The following POU3F3 variants were observed in gnomAD, a reference collection of about 807,000 sequenced individuals.
The protein encoded by POU3F3 is POU class 3 homeobox 3, also known as POU domain, class 3, transcription factor 3.
Under a neutral mutation model 8.6 loss-of-function variants are expected in POU3F3, and 1 was observed. The ratio of observed to expected loss-of-function variants is 0.12; its 90% CI spans 0.04 to 0.55. The LOEUF (loss-of-function observed/expected upper bound fraction) is 0.55, where lower values mean the gene tolerates loss of function less well. Among genes scored for constraint, POU3F3 ranks in the 20% least tolerant of loss-of-function variants. The pLI is 0.91. For synonymous variants in POU3F3, 418 were observed against 327.4 expected (o/e 1.28, Z -2.99); for missense variants, 577 against 690.7 (o/e 0.84, Z 1.84).
chr2:104,886,830 C>T, the POU3F3 span, among the ~76,000 whole-genome samples: 1 of 152,110 alleles, frequency 6.6e-6, no homozygotes, highest in Non-Finnish European at 1.5e-5. Flanking sequence ...ATCACTTGAA[C>T]CTGGAAGGCA....
chr2:104,900,889 C>A, the POU3F3 span, among the ~76,000 whole-genome samples: 2 of 152,178 alleles, frequency 1.3e-5, no homozygotes, highest in African/African-American at 2.4e-5. Flanking sequence ...CGGATGTTGG[C>A]CCTAATAAAT....
the POU3F3 span, among the ~76,000 whole-genome samples, chr2:104,920,840 G>A: frequency 6.6e-6 from 1 of 152,266 alleles, no homozygotes; most frequent in East Asian, 1.9e-4. Flanking sequence ...GAGCTGCTAT[G>A]TAGCTCTGCG....
At chr2:104,876,449 A>T in the POU3F3 span, among the ~76,000 whole-genome samples, 1 of 152,180 alleles carries the variant, frequency 6.6e-6, no homozygotes, top group African/African-American at 2.4e-5. Context: ...TCTCTCAGGG[A>T]CAAAGTGCCC....
the POU3F3 span, among the ~76,000 whole-genome samples, chr2:104,882,955 A>T: frequency 6.6e-6 from 1 of 152,234 alleles, no homozygotes; most frequent in Non-Finnish European, 1.5e-5. Context: ...GACAGGTGGT[A>T]GTAAGAGGAA....
the POU3F3 span, among the ~76,000 whole-genome samples, chr2:104,880,359 G>T: frequency 1.3e-5 from 2 of 152,288 alleles, no homozygotes; most frequent in South Asian, 4.1e-4. Flanking sequence ...CAAGTTCTGT[G>T]CTTGGACAGA....
chr2:104,917,246 A>G, the POU3F3 span, among the ~76,000 whole-genome samples: 4 of 152,150 alleles, frequency 2.6e-5, no homozygotes, highest in Non-Finnish European at 2.9e-5. Flanking sequence ...AATCTCCTCT[A>G]TAATCTATGC....
chr2:104,853,978 G>C (rs1291138207), upstream of POU3F3: 2 of 152,208 alleles, frequency 1.3e-5, no homozygotes, highest in East Asian at 3.9e-4. Flanking sequence ...CCGGAAGGGG[G>C]GCCTCGCGTC....
In POU3F3 at chr2:104,855,552, C is replaced by G; in HGVS notation, c.42C>G (p.Ser14Arg). 10 of 1,043,324 alleles carry G rather than the reference C, an allele frequency of 9.6e-6. No homozygotes were observed. The highest frequency in any genetic ancestry group is 1.2e-5 in the Non-Finnish European group (10 of 864,380). The allele number at this position is 1,043,324 out of a possible 1,614,324, so 64.6% of individuals were successfully genotyped here. Residue 14 changes from serine (S) to arginine (R), a missense_variant, in exon 1 of 1, where the codon AGC becomes AGG. Around this residue, in one of 7 missense-constraint regions of POU3F3, gnomAD observed 484 missense variants for 422.6 expected, o/e 1.15. Transcript: ENST00000361360. Reference sequence around the variant, plus strand: ...CTAACCCCTACCTGCCGGGGAACAGCCTGCTCGCGGCCGGCTCTATTGTGC... The same window carrying G: ...CTAACCCCTACCTGCCGGGGAACAGGCTGCTCGCGGCCGGCTCTATTGTGC... ...AASNPYLPGN[S>R]LLAAGSIVHS... is the part of the protein sequence containing the mutation.
At chr2:104,908,454 A>T in the POU3F3 span, among the ~76,000 whole-genome samples, 1 of 152,242 alleles carries the variant, frequency 6.6e-6, no homozygotes, top group East Asian at 1.9e-4. Flanking sequence ...TTTAAGAGTA[A>T]GAAGTAAAGA....
the POU3F3 span, among the ~76,000 whole-genome samples, chr2:104,900,731 T>C: frequency 5.3e-5 from 8 of 152,198 alleles, no homozygotes; most frequent in Non-Finnish European, 2.9e-5. Context: ...GGCAAATCAA[T>C]GTATTTTCCT....
chr2:104,889,573 A>C, the POU3F3 span, among the ~76,000 whole-genome samples: 3 of 152,228 alleles, frequency 2.0e-5, no homozygotes, highest in Admixed American at 2.0e-4. Context: ...TGAGTAACTC[A>C]GCCAAGGTCC....
the POU3F3 span, among the ~76,000 whole-genome samples, chr2:104,894,388 C>T: frequency 6.6e-6 from 1 of 152,162 alleles, no homozygotes; most frequent in Non-Finnish European, 1.5e-5. Flanking sequence ...GTGAGATATA[C>T]GTTGACAAGA....
the POU3F3 span, chr2:104,867,571 C>G: frequency 6.6e-6 from 1 of 152,532 alleles, no homozygotes; most frequent in African/African-American, 2.4e-5. This position sits in a 1 kb window ranked among gnomAD's most constrained non-coding sequence, Gnocchi z 5.0. Flanking sequence ...TGCGCTCCCA[C>G]AGGCCTGAGC....
chr2:104,868,660 A>G, the POU3F3 span, among the ~76,000 whole-genome samples: 7 of 152,030 alleles, frequency 4.6e-5, no homozygotes, highest in East Asian at 1.9e-4. Flanking sequence ...CCACTTCCCA[A>G]ATGGCTGCTG....
chr2:104,898,359 G>A, the POU3F3 span, among the ~76,000 whole-genome samples: 1 of 152,286 alleles, frequency 6.6e-6, no homozygotes, highest in East Asian at 1.9e-4. Context: ...CTGAAATGAA[G>A]ATACGTTTTC....
chr2:104,888,901 G>A, the POU3F3 span, among the ~76,000 whole-genome samples: 29 of 152,230 alleles, frequency 1.9e-4, no homozygotes, highest in Middle Eastern at 3.4e-3. Context: ...AACCCTTTTT[G>A]CATCCATACT....
At chr2:104,853,924 TCTA>T (rs1293627174), upstream of POU3F3, 1 of 151,882 alleles carries the variant, frequency 6.6e-6, no homozygotes, top group African/African-American at 2.4e-5. Context: ...ATTTCCAGCT[TCTA>T]CGACGCTCTG....
rs750388843 is a variant in POU3F3, at chr2:104,857,037, G to C, written c.*24G>C. On this transcript the variant is annotated 3_prime_UTR_variant, in exon 1 of 1. Transcript: ENST00000361360. ...GAAGCCAGGGCGCAGAGCGAAGAGG[G>C]CCGCCGCCGCCGCCGCCTCCGCAGC... The C allele has an allele frequency of 2.9e-6, 4 of 1,398,958 alleles. No individual in the cohort carries two copies. Among genetic ancestry groups the C allele is most frequent in the South Asian group, 1.5e-5 (1 of 65,826 alleles). The allele number at this position is 1,398,958 out of a possible 1,614,324, so 86.7% of individuals were successfully genotyped here.
At chr2:104,883,222 C>T in the POU3F3 span, among the ~76,000 whole-genome samples, 2 of 152,166 alleles carry the variant, frequency 1.3e-5, no homozygotes, top group Non-Finnish European at 2.9e-5. Flanking sequence ...GGGCCATTAG[C>T]GGGGCAGAGC....
Sources: allele counts gnomAD v4.1 joint callset (sites outside exome capture counted in the v4.1 genomes callset), GRCh38; gene constraint gnomAD v4.1.1; regional missense constraint gnomAD v4.1.1; non-coding constraint Gnocchi (gnomAD v3.1); transcripts MANE v1.5; gene names NCBI Gene and HGNC (gene_info 2026-07-23, HGNC 2026-07-21).